TACC2: variants seen among roughly 807,000 people sequenced by gnomAD.
TACC2 encodes transforming acidic coiled-coil-containing protein 2.
In TACC2, 137 loss-of-function variants were observed where a neutral mutation model predicts 227.3. The ratio of observed to expected loss-of-function variants is 0.60; its 90% CI spans 0.52 to 0.69. The LOEUF is 0.69. Among genes scored for constraint, TACC2 ranks in the 30% least tolerant of loss-of-function variants. The pLI is 0.00. For synonymous variants in TACC2, 1,523 were observed against 1,487.5 expected, an observed-to-expected ratio of 1.02 and a Z score of -0.55; for missense variants, 3,470 against 3,694.4, an observed-to-expected ratio of 0.94 and a Z score of 1.57.
At chr10:121,992,291 G>A (rs1026466958) in intron 1 of TACC2, among the ~76,000 whole-genome samples, 1 of 152,218 alleles carries the variant, frequency 6.6e-6, no homozygotes, top group African/African-American at 2.4e-5. Context: ...GTACACAAGA[G>A]AGGTGATGCT....
At chr10:122,234,566 G>A (rs1298729640) in intron 16 of TACC2, among the ~76,000 whole-genome samples, 1 of 152,220 alleles carries the variant, frequency 6.6e-6, no homozygotes, top group Non-Finnish European at 1.5e-5. Context: ...TGTACACAAT[G>A]CATTTCATCA....
At chr10:122,128,529 C>T (rs749239978) in intron 5 of TACC2, among the ~76,000 whole-genome samples, 10 of 152,132 alleles carry the variant, frequency 6.6e-5, no homozygotes, top group Non-Finnish European at 1.3e-4. Flanking sequence ...GAAGCCTGGC[C>T]GCGTTCCCGC....
intron 5 of TACC2, among the ~76,000 whole-genome samples, chr10:122,095,332 A>G (rs1591933284): frequency 6.6e-6 from 1 of 152,242 alleles, no homozygotes; most frequent in African/African-American, 2.4e-5. Context: ...TCCTGGGGCC[A>G]TCGCCTTGCG....
chr10:122,143,669 A>G lies in TACC2; in HGVS notation c.5797A>G (p.Thr1933Ala), dbSNP rs1369298895. Reference sequence around the variant, plus strand: ...AGCTGGTGACAGAGTAGAAGCTTCCACTCCCTCCTGCCCAGATCCGGCCAA... The same window carrying G: ...AGCTGGTGACAGAGTAGAAGCTTCCGCTCCCTCCTGCCCAGATCCGGCCAA... ...APAGDRVEAS[T>A]PSCPDPAKDL... is the part of the protein sequence containing the mutation. Residue 1933 changes from threonine to alanine, a missense_variant, in exon 7 of 23, where the codon ACT becomes GCT. By Grantham distance (58) the Thr-to-Ala change is moderately conservative (BLOSUM62 0). Coordinates refer to ENST00000369005, the MANE Select transcript of TACC2 (RefSeq NM_206862.4). 3 of 1,613,550 alleles carry G rather than the reference A, an allele frequency of 1.9e-6. No homozygotes were observed. The East Asian group carries it at 6.7e-5, about 36-fold the overall frequency.
intron 5 of TACC2, among the ~76,000 whole-genome samples, chr10:122,096,280 C>T (rs1026726015): frequency 7.2e-5 from 11 of 152,204 alleles, no homozygotes; most frequent in Non-Finnish European, 7.3e-5. Context: ...TCCAGGCCTG[C>T]GCACCCGTAT....
chr10:122,010,543 T>G lies in TACC2; in HGVS notation c.-45-11394T>G, dbSNP rs913631169. On this transcript the variant is annotated intron_variant, in intron 1 of 22. Transcript: ENST00000369005. ...GCTCAGAGCCTCATCCCCAGAGAGGTTGACACACTCTAGCATCTTGATGAC... is the reference window on the plus strand; with the variant it reads ...GCTCAGAGCCTCATCCCCAGAGAGGGTGACACACTCTAGCATCTTGATGAC... Among the ~76,000 whole-genome samples the G allele has an allele frequency of 8.5e-5, 13 of 152,224 alleles. 1 individual carries two copies. In the South Asian group the frequency reaches 2.7e-3, roughly 32 times the overall value.
At chr10:122,163,764 T>A (rs1296196903) in intron 7 of TACC2, 1 of 1,209,328 alleles carries the variant, frequency 8.3e-7, no homozygotes, top group Non-Finnish European at 1.0e-6. Context: ...GAGTCGCAGC[T>A]CCCTGCCGCC....
In TACC2 at chr10:122,237,538, G is replaced by A. The variant is rs748986288; in HGVS notation, c.8271G>A (p.Glu2757=). ...CTGCCCTCCAGATCGCCAGAGCAGA[G>A]GTATCGTGGCATGTGGTGTAATTAC... The part of the protein sequence containing the change: ...LDSALQIARA[E]IITKEREVSE... The change falls in exon 17 of 23, where the codon GAG becomes GAA. Residue 2757 remains glutamate (E), a splice_region_variant and synonymous_variant. Transcript: ENST00000369005. 6.2e-7 allele frequency: 1 copy of A among 1,610,724 alleles called. No homozygotes were observed. Among genetic ancestry groups the A allele is most frequent in the South Asian group, 1.1e-5 (1 of 90,338 alleles).
chr10:122,072,837 C>T (rs1324412432), intron 3 of TACC2, among the ~76,000 whole-genome samples: 5 of 152,090 alleles, frequency 3.3e-5, no homozygotes, highest in Non-Finnish European at 4.4e-5. Context: ...AAATGAGGGC[C>T]GGGCGTGGCG....
chr10:122,136,545 G>GTGTATATA (rs1555066884), intron 6 of TACC2, among the ~76,000 whole-genome samples: 31 of 54,960 alleles, frequency 5.6e-4, no homozygotes, highest in African/African-American at 1.5e-3. Context: ...GTGTGTGTGT[G>GTGTATATA]TATATATATA....
chr10:122,229,202 C>A lies in TACC2; in HGVS notation c.7897-144C>A, dbSNP rs2095686816. The A allele has an allele frequency of 1.5e-5, 14 of 905,144 alleles. No homozygotes were observed. The South Asian group carries it at 1.6e-4, about 10-fold the overall frequency. The allele number at this position is 905,144 out of a possible 1,614,324, so 56.1% of individuals were successfully genotyped here. ...GTGGGAATTAGTCTAGATGAAACCA[C>A]AAGTAATGGCAGCTAATTGATACTC... On this transcript the variant is annotated intron_variant, in intron 14 of 22. Coordinates refer to ENST00000369005, the MANE Select transcript of TACC2 (RefSeq NM_206862.4).
At position 122,149,982 on chromosome 10, in the gene TACC2, C is replaced by T. The variant is rs540506381; in HGVS notation, c.5834+6276C>T. On this transcript the variant is annotated intron_variant, in intron 7 of 22. Coordinates refer to ENST00000369005, the MANE Select transcript of TACC2 (RefSeq NM_206862.4). ...GGTCCCCTGGTTCCCGCTCAGTCTCCGAAATGTGAGCTGCCGCGGAGTGGG... is the reference window on the plus strand; with the variant it reads ...GGTCCCCTGGTTCCCGCTCAGTCTCTGAAATGTGAGCTGCCGCGGAGTGGG... Among the ~76,000 whole-genome samples the T allele has an allele frequency of 3.2e-4, 49 of 152,322 alleles. 1 individual carries two copies. The South Asian group carries it at 0.01, about 32-fold the overall frequency.
chr10:122,139,409 C>T (rs1027967350), intron 6 of TACC2, among the ~76,000 whole-genome samples: 9 of 152,208 alleles, frequency 5.9e-5, no homozygotes, highest in African/African-American at 1.9e-4. Flanking sequence ...GTGCCTGCCT[C>T]GGAGCTTCCA....
chr10:122,215,090 G>T (rs1182608873), intron 9 of TACC2, among the ~76,000 whole-genome samples: 3 of 152,106 alleles, frequency 2.0e-5, no homozygotes, highest in Non-Finnish European at 4.4e-5. Flanking sequence ...CCAGAAATTT[G>T]CTTTATAAAA....
Position 122,141,487 on chromosome 10 carries a change from G to C in TACC2, c.5700-2085G>C, listed in dbSNP as rs189700070. Among the ~76,000 whole-genome samples, 460 of 152,290 alleles carry C rather than the reference G, an allele frequency of 3.0e-3. No individual in the cohort carries two copies. Among genetic ancestry groups the C allele is most frequent in the African/African-American group, 0.01 (434 of 41,554 alleles). Reference sequence around the variant, plus strand: ...AGGGAGCAGCCAGGTGGCCCCTCAGGAACAGGAGCAGCTGTGGGTGTTAAG... The same window carrying C: ...AGGGAGCAGCCAGGTGGCCCCTCAGCAACAGGAGCAGCTGTGGGTGTTAAG... On this transcript the variant is annotated intron_variant, in intron 6 of 22. Transcript: ENST00000369005. The surrounding 1 kb of genome is among the most constrained non-coding windows in gnomAD (Gnocchi z 4.3).
chr10:122,230,541 G>A (rs187577608), intron 16 of TACC2, 101 bp downstream of exon 16: 7 of 1,076,658 alleles, frequency 6.5e-6, no homozygotes, highest in Admixed American at 3.6e-5. Flanking sequence ...GGGCATCATC[G>A]GTGTCCAGCA....
intron 2 of TACC2, among the ~76,000 whole-genome samples, chr10:122,037,442 G>A (rs1156870116): frequency 6.6e-6 from 1 of 152,244 alleles, no homozygotes; most frequent in Non-Finnish European, 1.5e-5. Flanking sequence ...GGAGGAAGCA[G>A]AGCAGCTGAC....
chr10:122,103,597 AT>A (rs1195054933), intron 5 of TACC2, among the ~76,000 whole-genome samples: 4 of 152,178 alleles, frequency 2.6e-5, no homozygotes, highest in Non-Finnish European at 5.9e-5. Flanking sequence ...TGTGGATGGC[AT>A]TTTGCCACTC....
intron 5 of TACC2, among the ~76,000 whole-genome samples, chr10:122,089,220 A>G (rs1434762189): frequency 6.6e-6 from 1 of 152,188 alleles, no homozygotes; most frequent in Non-Finnish European, 1.5e-5. Flanking sequence ...CATGGCTACA[A>G]TCAATTTCAG....
Sources: allele counts gnomAD v4.1 joint callset (sites outside exome capture counted in the v4.1 genomes callset), GRCh38; gene constraint gnomAD v4.1.1; non-coding constraint Gnocchi (gnomAD v3.1); transcripts MANE v1.5; gene names NCBI Gene and HGNC (gene_info 2026-07-23, HGNC 2026-07-21).